The following FAM241A variants were observed in gnomAD, a reference collection of about 807,000 sequenced individuals.
FAM241A encodes the protein family with sequence similarity 241 member A.
FAM241A carries 7 observed loss-of-function variants against 12.2 expected under a neutral mutation model. The observed-to-expected ratio is 0.58, with a 90% CI of 0.33 to 1.08. FAM241A has a LOEUF of 1.08. Among genes scored for constraint, FAM241A ranks in the 50% least tolerant of loss-of-function variants. FAM241A has a pLI of 0.04. For synonymous variants in FAM241A, 74 were observed against 68.2 expected (o/e 1.08, Z -0.42); for missense variants, 161 against 169.7 (o/e 0.95, Z 0.29).
intron 1 of FAM241A, among the ~76,000 whole-genome samples, chr4:112,173,827 T>G (rs1416586646): frequency 6.6e-6 from 1 of 152,168 alleles, no homozygotes; most frequent in East Asian, 1.9e-4. Flanking sequence ...AAAAGTAATG[T>G]CCAGAAATAA....
At chr4:112,164,588 A>G in intron 1 of FAM241A, among the ~76,000 whole-genome samples, 1 of 152,224 alleles carries the variant, frequency 6.6e-6, no homozygotes, top group Non-Finnish European at 1.5e-5. Flanking sequence ...CCTAGAACTT[A>G]AAGTATAATA....
At chr4:112,174,707 C>T (rs1173582712) in intron 1 of FAM241A, among the ~76,000 whole-genome samples, 2 of 152,156 alleles carry the variant, frequency 1.3e-5, no homozygotes, top group African/African-American at 4.8e-5. Context: ...AAGCAGGGCT[C>T]ATGTGCTAGG....
At chr4:112,152,022 G>A (rs1723254695) in intron 1 of FAM241A, among the ~76,000 whole-genome samples, 1 of 152,202 alleles carries the variant, frequency 6.6e-6, no homozygotes, top group African/African-American at 2.4e-5. Flanking sequence ...AAGCAATATT[G>A]TAATAAGTGC....
chr4:112,184,273 TAATTCCAGCACTTTGG>T, intron 1 of FAM241A, among the ~76,000 whole-genome samples: 1 of 152,232 alleles, frequency 6.6e-6, no homozygotes, highest in African/African-American at 2.4e-5. Flanking sequence ...CTCACGCTGG[TAATTCCAGCACTTTGG>T]GAGGCCAAGG....
At chr4:112,163,133 C>T (rs995616755) in intron 1 of FAM241A, among the ~76,000 whole-genome samples, 2 of 152,182 alleles carry the variant, frequency 1.3e-5, no homozygotes, top group Non-Finnish European at 2.9e-5. Context: ...TAGATCCCTT[C>T]CTTACACCTT....
At chr4:112,171,573 T>C (rs189847266) in intron 1 of FAM241A, 1 of 698,908 alleles carries the variant, frequency 1.4e-6, no homozygotes, top group East Asian at 2.6e-5. Context: ...AAATCTTGAG[T>C]TTATGGCCGG....
intron 1 of FAM241A, among the ~76,000 whole-genome samples, chr4:112,159,779 A>G (rs1349492067): frequency 6.6e-6 from 1 of 152,234 alleles, no homozygotes; most frequent in African/African-American, 2.4e-5. Flanking sequence ...AAATATCTCA[A>G]CATAACAAAA....
Position 112,190,537 on chromosome 4 carries a change from A to AAG in FAM241A, c.*3600_*3601insGA, listed in dbSNP as rs1724145973. 6.6e-6 allele frequency: 1 copy of AAG among 151,230 alleles called. No individual in the cohort carries two copies. The highest frequency in any genetic ancestry group is 1.9e-4 in the East Asian group (1 of 5,142). 9.4% of individuals were successfully genotyped at this position (151,230 alleles called of 1,614,324 possible). On this transcript the variant is annotated 3_prime_UTR_variant, in exon 2 of 2. Transcript: ENST00000309733. Reference sequence around the variant, plus strand: ...CCCGTCTCTACTAAAAAAAAAAAAAAAAAAATACAAAATTAGCTAGGCGTG... The same window carrying AAG: ...CCCGTCTCTACTAAAAAAAAAAAAAAAGAAAAATACAAAATTAGCTAGGCGTG...
intron 1 of FAM241A, among the ~76,000 whole-genome samples, chr4:112,154,941 G>A (rs1723322496): frequency 1.3e-5 from 2 of 152,074 alleles, no homozygotes; most frequent in South Asian, 4.1e-4. Flanking sequence ...GGCTGAGGTA[G>A]AAGAATCGCT....
intron 1 of FAM241A, among the ~76,000 whole-genome samples, chr4:112,172,035 A>G (rs1297576095): frequency 1.3e-5 from 2 of 152,216 alleles, no homozygotes; most frequent in African/African-American, 2.4e-5. Context: ...AACAAAGCCT[A>G]TAGTGTAGGC....
Position 112,188,417 on chromosome 4 carries a change from T to G in FAM241A, c.*1479T>G. On this transcript the variant is annotated 3_prime_UTR_variant, in exon 2 of 2. Coordinates refer to ENST00000309733, the MANE Select transcript of FAM241A (RefSeq NM_152400.3). Reference sequence around the variant, plus strand: ...AAACATTTAACTTAGTTTTCTAAAATCAGATAATCCTAAACAAAAATGTTA... The same window carrying G: ...AAACATTTAACTTAGTTTTCTAAAAGCAGATAATCCTAAACAAAAATGTTA... 1 of 152,182 alleles carries G rather than the reference T, an allele frequency of 6.6e-6. No individual in the cohort carries two copies. Among genetic ancestry groups the G allele is most frequent in the East Asian group, 1.9e-4 (1 of 5,202 alleles). 9.4% of individuals were successfully genotyped at this position (152,182 alleles called of 1,614,324 possible).
At chr4:112,145,832 A>C (rs1186305525) in intron 1 of FAM241A, 99 bp downstream of exon 1, 2 of 734,888 alleles carry the variant, frequency 2.7e-6, no homozygotes, top group Non-Finnish European at 3.4e-6. Flanking sequence ...GCCGCGCCGC[A>C]GCTCTGCCCC....
In FAM241A at chr4:112,190,127, T is replaced by A. The variant is rs1013607173; in HGVS notation, c.*3189T>A. On this transcript the variant is annotated 3_prime_UTR_variant, in exon 2 of 2. Transcript: ENST00000309733. ...AAATCTCTCTAGGCTGTCACCAAGC[T>A]GTAAATCCACTAAAGACTATCCAGG... 7.8e-6 allele frequency: 1 copy of A among 127,986 alleles called. No individual in the cohort carries two copies. The highest frequency in any genetic ancestry group is 1.7e-5 in the Non-Finnish European group (1 of 58,760). The allele number at this position is 127,986 out of a possible 1,614,324, so 7.9% of individuals were successfully genotyped here. A position where few individuals can be genotyped will look rare whatever the true frequency, so the allele number is the denominator to read the frequency against.
At chr4:112,164,105 G>T (rs1399122312) in intron 1 of FAM241A, among the ~76,000 whole-genome samples, 4 of 151,082 alleles carry the variant, frequency 2.6e-5, no homozygotes, top group Non-Finnish European at 5.9e-5. Context: ...CACACACTGG[G>T]GCCTGTTGTG....
At chr4:112,159,917 G>A (rs1441010888) in intron 1 of FAM241A, among the ~76,000 whole-genome samples, 2 of 152,198 alleles carry the variant, frequency 1.3e-5, no homozygotes, top group African/African-American at 2.4e-5. Context: ...AGTAATGGAA[G>A]TCCTAGCTAG....
At chr4:112,145,992 C>T (rs1316518971) in intron 1 of FAM241A, among the ~76,000 whole-genome samples, 2 of 152,112 alleles carry the variant, frequency 1.3e-5, no homozygotes, top group African/African-American at 4.8e-5. Flanking sequence ...GGTTCGTCCC[C>T]TGGCGTCCGG....
Position 112,194,955 on chromosome 4 carries a change from G to A in FAM241A, c.*8017G>A, listed in dbSNP as rs1560589084. On this transcript the variant is annotated 3_prime_UTR_variant, in exon 2 of 2. Transcript: ENST00000309733. ...GCATGCCTGTATTTTTGTATTTTTAGTAGAGACGGGGTTTCACCATGTTGG... is the reference window on the plus strand; with the variant it reads ...GCATGCCTGTATTTTTGTATTTTTAATAGAGACGGGGTTTCACCATGTTGG... 6.6e-6 allele frequency: 1 copy of A among 152,150 alleles called. No individual in the cohort carries two copies. The highest frequency in any genetic ancestry group is 1.5e-5 in the Non-Finnish European group (1 of 68,098). 9.4% of individuals were successfully genotyped at this position (152,150 alleles called of 1,614,324 possible).
At chr4:112,163,916 A>G (rs773769070) in intron 1 of FAM241A, among the ~76,000 whole-genome samples, 4 of 152,266 alleles carry the variant, frequency 2.6e-5, no homozygotes, top group Admixed American at 2.6e-4. Flanking sequence ...CATGTACACC[A>G]TGGAATACTA....
rs958745483 is a variant in FAM241A, at chr4:112,186,773, G to A, written c.234G>A (p.Leu78=). The change falls in exon 2 of 2, where the codon CTG becomes CTA. Residue 78 remains leucine, a synonymous_variant. Coordinates refer to ENST00000309733, the MANE Select transcript of FAM241A (RefSeq NM_152400.3). ...AAATGGGAACACTTTTTGGTGAACT[G>A]AACAAAAACCTTATCAACATGGGCT... ...YKKMGTLFGE[L]NKNLINMGFT... The A allele has an allele frequency of 1.9e-6, 3 of 1,613,460 alleles. No homozygotes were observed. The highest frequency in any genetic ancestry group is 2.5e-6 in the Non-Finnish European group (3 of 1,179,828).
Sources: allele counts gnomAD v4.1 joint callset (sites outside exome capture counted in the v4.1 genomes callset), GRCh38; gene constraint gnomAD v4.1.1; transcripts MANE v1.5; gene names NCBI Gene and HGNC (gene_info 2026-07-23, HGNC 2026-07-21).